MSRA: variants seen among roughly 807,000 people sequenced by gnomAD.
MSRA encodes the protein mitochondrial peptide methionine sulfoxide reductase.
Under a neutral mutation model 31.3 loss-of-function variants are expected in MSRA, and 54 were observed. The observed-to-expected ratio is 1.73, with a 90% CI of 1.39 to 2.17. The LOEUF is 2.17. MSRA is among the 30% of genes most tolerant of loss of function. The pLI, the probability that MSRA is intolerant of heterozygous loss-of-function variation, is 0.00. For missense variants in MSRA, 507 were observed against 300.9 expected, an observed-to-expected ratio of 1.69 and a Z score of -5.07; for synonymous variants, 169 against 116.5, an observed-to-expected ratio of 1.45 and a Z score of -2.90.
At chr8:10,208,355 A>G (rs940099875) in intron 2 of MSRA, among the ~76,000 whole-genome samples, 12 of 152,218 alleles carry the variant, frequency 7.9e-5, no homozygotes, top group African/African-American at 2.7e-4. Flanking sequence ...AAGAGAAAAC[A>G]TTAATTAAAA....
intron 4 of MSRA, among the ~76,000 whole-genome samples, chr8:10,305,346 G>A (rs1801070410): frequency 6.6e-6 from 1 of 151,242 alleles, no homozygotes. Flanking sequence ...TCAAGGTGCT[G>A]AAGCAGCTCT....
chr8:10,427,779 A>G (rs979862727), intron 5 of MSRA, among the ~76,000 whole-genome samples: 9 of 152,200 alleles, frequency 5.9e-5, no homozygotes, highest in Admixed American at 3.3e-4. Context: ...GGGGACAGCC[A>G]GGGAGCCATG....
intron 5 of MSRA, among the ~76,000 whole-genome samples, chr8:10,398,664 G>C (rs973202687): frequency 6.6e-6 from 1 of 152,202 alleles, no homozygotes; most frequent in East Asian, 1.9e-4. Context: ...AGCTGCTAAG[G>C]CCTGATCTTT....
At chr8:10,252,960 C>G (rs1203201181) in intron 3 of MSRA, among the ~76,000 whole-genome samples, 2 of 152,152 alleles carry the variant, frequency 1.3e-5, no homozygotes, top group Non-Finnish European at 2.9e-5. Context: ...GGTATGAACC[C>G]TGTATGCTGA....
At chr8:10,105,627 C>A (rs909516186) in intron 1 of MSRA, among the ~76,000 whole-genome samples, 3 of 152,142 alleles carry the variant, frequency 2.0e-5, no homozygotes, top group African/African-American at 7.2e-5. Flanking sequence ...TTCTGTTGAT[C>A]TGATTATAGT....
chr8:10,133,654 T>C (rs1802061895), intron 1 of MSRA, among the ~76,000 whole-genome samples: 1 of 152,180 alleles, frequency 6.6e-6, no homozygotes, highest in African/African-American at 2.4e-5. Flanking sequence ...GGGTTATTGT[T>C]AGGCTTAAAG....
intron 2 of MSRA, among the ~76,000 whole-genome samples, chr8:10,231,415 A>G (rs1472174683): frequency 2.0e-5 from 3 of 152,230 alleles, no homozygotes; most frequent in African/African-American, 4.8e-5. Flanking sequence ...TTGGCTTGGT[A>G]GTCAGCTTGG....
At chr8:10,370,614 G>T (rs1382498281) in intron 5 of MSRA, among the ~76,000 whole-genome samples, 2 of 152,188 alleles carry the variant, frequency 1.3e-5, no homozygotes, top group African/African-American at 4.8e-5. Context: ...CCGCCTTGAG[G>T]AGCCACCTTT....
chr8:10,415,296 G>A (rs924312612), intron 5 of MSRA, among the ~76,000 whole-genome samples: 4 of 152,160 alleles, frequency 2.6e-5, no homozygotes, highest in Non-Finnish European at 5.9e-5. Flanking sequence ...TGTGAGGTGT[G>A]GGGAGGTGAA....
At chr8:10,086,664 G>C (rs1798572350) in intron 1 of MSRA, among the ~76,000 whole-genome samples, 1 of 152,148 alleles carries the variant, frequency 6.6e-6, no homozygotes, top group Non-Finnish European at 1.5e-5. Flanking sequence ...TTATTAATAC[G>C]TGATTTCACT....
chr8:10,397,506 C>A (rs1374884860), intron 5 of MSRA, among the ~76,000 whole-genome samples: 2 of 152,172 alleles, frequency 1.3e-5, no homozygotes, highest in African/African-American at 4.8e-5. Flanking sequence ...CTGTGCTCTT[C>A]TTTGGGAGTG....
intron 3 of MSRA, among the ~76,000 whole-genome samples, 166 bp downstream of exon 3, chr8:10,245,389 A>T (rs912494196): frequency 1.8e-4 from 27 of 152,242 alleles, no homozygotes; most frequent in Admixed American, 6.5e-4. Context: ...TTATATGTTT[A>T]GAAGATGATA....
chr8:10,425,813 C>T (rs1300048345), intron 5 of MSRA, among the ~76,000 whole-genome samples: 1 of 152,212 alleles, frequency 6.6e-6, no homozygotes, highest in African/African-American at 2.4e-5. Context: ...GTTGTGAACC[C>T]GGAGCCCTTG....
intron 1 of MSRA, among the ~76,000 whole-genome samples, chr8:10,070,762 C>G (rs955349856): frequency 2.0e-5 from 3 of 152,204 alleles, no homozygotes; most frequent in Admixed American, 6.5e-5. Context: ...AGTATGTAAC[C>G]TCTTGGGATT....
At chr8:10,136,533 A>G (rs1031808248) in intron 1 of MSRA, among the ~76,000 whole-genome samples, 1 of 152,222 alleles carries the variant, frequency 6.6e-6, no homozygotes, top group Middle Eastern at 3.2e-3. Context: ...GACAGGAGCT[A>G]TGGACTTGTC....
intron 1 of MSRA, among the ~76,000 whole-genome samples, chr8:10,139,569 TC>T (rs1213741404): frequency 3.9e-5 from 6 of 152,190 alleles, no homozygotes; most frequent in African/African-American, 1.4e-4. Flanking sequence ...ACTCTCTATG[TC>T]CATGTATACA....
intron 5 of MSRA, among the ~76,000 whole-genome samples, chr8:10,362,784 G>C (rs1182001413): frequency 6.6e-6 from 1 of 152,172 alleles, no homozygotes; most frequent in East Asian, 1.9e-4. Context: ...GTTAGTCCCT[G>C]CCTTTTTCCT....
At chr8:10,342,437 G>C (rs1803485732) in intron 5 of MSRA, among the ~76,000 whole-genome samples, 2 of 152,224 alleles carry the variant, frequency 1.3e-5, no homozygotes, top group African/African-American at 4.8e-5. Context: ...AGAGTGAACA[G>C]GGAAATATAT....
At chr8:10,085,710 C>T (rs1798524305) in intron 1 of MSRA, among the ~76,000 whole-genome samples, 1 of 152,218 alleles carries the variant, frequency 6.6e-6, no homozygotes, top group African/African-American at 2.4e-5. Flanking sequence ...AGAACACTGT[C>T]ATCACCCCCA....
Sources: gnomAD v4.1 joint callset for allele counts (sites outside exome capture counted in the v4.1 genomes callset) on GRCh38, gnomAD v4.1.1 for gene constraint, MANE v1.5 for transcripts, NCBI Gene and HGNC (gene_info 2026-07-23, HGNC 2026-07-21) for gene names.